FNIP2: variants seen among roughly 807,000 people sequenced by gnomAD.
FNIP2 encodes folliculin-interacting protein 2.
FNIP2 carries 32 observed loss-of-function variants against 108.7 expected under a neutral mutation model. The ratio of observed to expected loss-of-function variants is 0.29; its 90% CI spans 0.22 to 0.40. FNIP2 has a LOEUF of 0.40. FNIP2 is among the 10% of genes least tolerant of loss of function. The probability of loss-of-function intolerance (pLI) is 1.00; values close to 1 mark genes in which losing one functional copy is unlikely to be tolerated. For synonymous variants in FNIP2, 480 were observed against 496.7 expected (o/e 0.97, Z 0.45); for missense variants, 1,202 against 1,381.6 (o/e 0.87, Z 2.06).
In FNIP2 at chr4:158,829,176, C is replaced by T. The variant is rs753688282; in HGVS notation, c.332C>T (p.Ser111Phe). The change falls in exon 3 of 17, where the codon TCT becomes TTT. Residue 111 changes from serine to phenylalanine, a missense_variant. Transcript: ENST00000264433. ...SSSSSISSHS[S>F]SGGSSHHAKE... The stretch of plus-strand genomic sequence containing the variant: ...AGCAGCAGCATCTCTTCCCACAGTT[C>T]TTCTGGGGGATCTTCACATCATGCT... 6.2e-7 allele frequency: 1 copy of T among 1,612,906 alleles called. No individual in the cohort carries two copies. The highest frequency in any genetic ancestry group is 8.5e-7 in the Non-Finnish European group (1 of 1,179,360).
chr4:158,872,749 TTTAA>T, intron 14 of FNIP2: 1 of 965,946 alleles, frequency 1.0e-6, no homozygotes, highest in Non-Finnish European at 1.2e-6. Flanking sequence ...TTTTTTTTTT[TTTAA>T]AAAACAGGCT....
At chr4:158,796,228 G>A (rs768944775) in intron 1 of FNIP2, among the ~76,000 whole-genome samples, 12 of 152,190 alleles carry the variant, frequency 7.9e-5, no homozygotes, top group Non-Finnish European at 1.6e-4. Flanking sequence ...AGAACTTAGA[G>A]GATTCAGCTT....
intron 12 of FNIP2, among the ~76,000 whole-genome samples, chr4:158,865,185 C>T (rs1000219194): frequency 6.6e-6 from 1 of 152,140 alleles, no homozygotes; most frequent in East Asian, 1.9e-4. Context: ...AGGTAAAAAG[C>T]ATATAACAAC....
At chr4:158,791,885 G>A (rs1417066797) in intron 1 of FNIP2, among the ~76,000 whole-genome samples, 1 of 152,154 alleles carries the variant, frequency 6.6e-6, no homozygotes, top group Non-Finnish European at 1.5e-5. Context: ...GGTAGGGGCA[G>A]CTGATAGCAG....
intron 14 of FNIP2, among the ~76,000 whole-genome samples, chr4:158,883,256 T>G (rs574882881): frequency 2.1e-3 from 326 of 152,260 alleles, no homozygotes; most frequent in Non-Finnish European, 4.1e-3. Flanking sequence ...TTTTTTGTTT[T>G]TTTGAGACGG....
chr4:158,845,987 G>A (rs540570405), intron 7 of FNIP2, among the ~76,000 whole-genome samples: 44 of 152,284 alleles, frequency 2.9e-4, no homozygotes, highest in Middle Eastern at 3.4e-3. Context: ...TCTTTTACAA[G>A]TTATAAGTTC....
At chr4:158,880,079 C>T (rs1781499239) in intron 14 of FNIP2, among the ~76,000 whole-genome samples, 3 of 150,228 alleles carry the variant, frequency 2.0e-5, no homozygotes, top group East Asian at 3.9e-4. Context: ...TTGACCCAGC[C>T]ATCGCATTAC....
intron 7 of FNIP2, among the ~76,000 whole-genome samples, chr4:158,844,281 G>A (rs767015398): frequency 4.6e-5 from 7 of 152,130 alleles, no homozygotes; most frequent in South Asian, 4.1e-4. Context: ...TGAATGAGGG[G>A]GGGAAAATAA....
At chr4:158,876,019 C>T (rs1186097869) in intron 14 of FNIP2, among the ~76,000 whole-genome samples, 1 of 152,130 alleles carries the variant, frequency 6.6e-6, no homozygotes, top group African/African-American at 2.4e-5. Flanking sequence ...ACATGTCACA[C>T]TTGTATGCAT....
chr4:158,855,453 T>C (rs1779932017), intron 8 of FNIP2, among the ~76,000 whole-genome samples: 1 of 151,552 alleles, frequency 6.6e-6, no homozygotes, highest in Non-Finnish European at 1.5e-5. Flanking sequence ...CCCGTGAAGA[T>C]CCCTTTTTTT....
chr4:158,809,649 C>G (rs1209358193), intron 1 of FNIP2, among the ~76,000 whole-genome samples: 1 of 152,182 alleles, frequency 6.6e-6, no homozygotes, highest in African/African-American at 2.4e-5. Flanking sequence ...AAATCTGGGA[C>G]TTGCCACACA....
At chr4:158,780,170 T>C (rs1437697561) in intron 1 of FNIP2, among the ~76,000 whole-genome samples, 2 of 151,572 alleles carry the variant, frequency 1.3e-5, no homozygotes, top group African/African-American at 2.4e-5. Flanking sequence ...ATCGCACCAC[T>C]GTACTCTAGC....
At chr4:158,862,887 A>C (rs549587771) in intron 12 of FNIP2, among the ~76,000 whole-genome samples, 1 of 152,344 alleles carries the variant, frequency 6.6e-6, no homozygotes, top group African/African-American at 2.4e-5. Context: ...ATGCTGCTGG[A>C]TCACCCATTT....
intron 1 of FNIP2, among the ~76,000 whole-genome samples, chr4:158,781,747 C>T (rs1296036403): frequency 6.6e-6 from 1 of 152,086 alleles, no homozygotes; most frequent in African/African-American, 2.4e-5. Context: ...GAACTCCTGG[C>T]TTCAAGTGAT....
At chr4:158,772,400 G>GT (rs1478169928) in intron 1 of FNIP2, among the ~76,000 whole-genome samples, 6 of 152,164 alleles carry the variant, frequency 3.9e-5, no homozygotes, top group East Asian at 1.9e-4. Flanking sequence ...TGTTGTTGTT[G>GT]TTTTTTTCTC....
chr4:158,842,703 G>T (rs1355816894), intron 7 of FNIP2, among the ~76,000 whole-genome samples: 2 of 151,862 alleles, frequency 1.3e-5, no homozygotes, highest in African/African-American at 2.4e-5. Flanking sequence ...TAAAACCTTT[G>T]TATAAATTTT....
At position 158,859,567 on chromosome 4, in the gene FNIP2, C is replaced by T; in HGVS notation, c.1060-11C>T. On this transcript the variant is annotated splice_polypyrimidine_tract_variant and intron_variant, in intron 9 of 16. Transcript: ENST00000264433. ...TTCTCAGTAATTTGACTTGCTTTCT[C>T]TTCAATAAAGGCTATGATCTCCTGT... The T allele has an allele frequency of 6.2e-7, 1 of 1,608,888 alleles. No homozygotes were observed. The highest frequency in any genetic ancestry group is 1.1e-5 in the South Asian group (1 of 90,096).
At chr4:158,798,346 G>C (rs181531779) in intron 1 of FNIP2, among the ~76,000 whole-genome samples, 6 of 152,134 alleles carry the variant, frequency 3.9e-5, no homozygotes, top group Non-Finnish European at 7.4e-5. Context: ...TCACAGACGT[G>C]AGCTACCACA....
chr4:158,792,118 C>A (rs961942197), intron 1 of FNIP2, among the ~76,000 whole-genome samples: 1 of 152,154 alleles, frequency 6.6e-6, no homozygotes, highest in Non-Finnish European at 1.5e-5. Context: ...CACACACACA[C>A]ACACATCAGG....
Sources: gnomAD v4.1 joint callset for allele counts (sites outside exome capture counted in the v4.1 genomes callset) on GRCh38, gnomAD v4.1.1 for gene constraint, MANE v1.5 for transcripts, NCBI Gene and HGNC (gene_info 2026-07-23, HGNC 2026-07-21) for gene names.